The following MKRN1 variants were observed in gnomAD, a reference collection of about 807,000 sequenced individuals.
The protein encoded by MKRN1 is makorin ring finger protein 1, also known as E3 ubiquitin-protein ligase makorin-1.
A neutral mutation model predicts 55.5 loss-of-function variants in MKRN1; 9 were observed. The ratio of observed to expected loss-of-function variants is 0.16; its 90% CI spans 0.10 to 0.28. MKRN1 has a LOEUF of 0.28. Ranked by LOEUF, MKRN1 falls within the 10% of genes least tolerant of loss-of-function variation. The pLI is 1.00. For synonymous variants in MKRN1, 253 were observed against 235.9 expected (o/e 1.07, Z -0.66); for missense variants, 488 against 626.7 (o/e 0.78, Z 2.36).
intron 2 of MKRN1, among the ~76,000 whole-genome samples, chr7:140,467,296 A>G (rs567019574): frequency 6.6e-6 from 1 of 151,066 alleles, no homozygotes; most frequent in African/African-American, 2.4e-5. Flanking sequence ...ACTTTCTTTT[A>G]AGACGAAGTC....
intron 2 of MKRN1, 40 bp from the exon 3 acceptor site, chr7:140,459,976 G>A (rs745592796): frequency 1.9e-6 from 3 of 1,552,774 alleles, no homozygotes; most frequent in East Asian, 4.5e-5. Context: ...GCCAGTCGTG[G>A]TGGCTCAAGC....
At position 140,454,625 on chromosome 7, in the gene MKRN1, C is replaced by T. The variant is rs1382118469; in HGVS notation, c.1341G>A (p.Met447Ile). The change falls in exon 8 of 8, where the codon ATG (methionine) becomes ATA (isoleucine). Residue 447 changes from methionine (M) to isoleucine (I), a missense_variant. Coordinates refer to ENST00000255977, the MANE Select transcript of MKRN1 (RefSeq NM_013446.4). The stretch of plus-strand genomic sequence containing the variant: ...CACCTGCAGCCAAAAGCATAAGCAA[C>T]ATCTCGCCCAGCTCAAAGGTGACAA... The part of the protein sequence containing the change: ...EEVVTFELGE[M>I]LLMLLAAGGD... The T allele has an allele frequency of 3.1e-6, 5 of 1,613,872 alleles. No individual in the cohort carries two copies. The highest frequency in any genetic ancestry group is 4.2e-6 in the Non-Finnish European group (5 of 1,179,890).
chr7:140,470,732 A>T (rs978726616), intron 2 of MKRN1, among the ~76,000 whole-genome samples: 3 of 152,174 alleles, frequency 2.0e-5, no homozygotes, highest in Non-Finnish European at 4.4e-5. Context: ...CCTGGCCAAC[A>T]TGATGAAACC....
chr7:140,463,378 A>G (rs1340008661), intron 2 of MKRN1, among the ~76,000 whole-genome samples: 1 of 152,226 alleles, frequency 6.6e-6, no homozygotes, highest in Non-Finnish European at 1.5e-5. Flanking sequence ...TCTATACAGT[A>G]CAGCCAACCA....
intron 2 of MKRN1, among the ~76,000 whole-genome samples, chr7:140,462,081 G>A (rs1017277209): frequency 2.6e-5 from 4 of 152,204 alleles, no homozygotes; most frequent in Admixed American, 2.0e-4. Flanking sequence ...AGGCTGGAGT[G>A]CAGTAGCGTG....
At chr7:140,466,177 T>C (rs1794760011) in intron 2 of MKRN1, among the ~76,000 whole-genome samples, 1 of 152,222 alleles carries the variant, frequency 6.6e-6, no homozygotes, top group Non-Finnish European at 1.5e-5. Flanking sequence ...ATTCTTTCTT[T>C]AGCTAGTCCA....
intron 2 of MKRN1, among the ~76,000 whole-genome samples, chr7:140,462,800 T>G (rs970278215): frequency 1.3e-5 from 2 of 151,248 alleles, no homozygotes; most frequent in Non-Finnish European, 2.9e-5. Flanking sequence ...CCGTCTCTAC[T>G]AAAAAATACA....
chr7:140,462,475 A>G (rs1794651307), intron 2 of MKRN1, among the ~76,000 whole-genome samples: 2 of 152,222 alleles, frequency 1.3e-5, no homozygotes, highest in Admixed American at 1.3e-4. Flanking sequence ...ATACGCAAAA[A>G]TAAAGTAAAA....
intron 1 of MKRN1, among the ~76,000 whole-genome samples, chr7:140,476,207 G>C (rs1456649392): frequency 1.3e-5 from 2 of 152,100 alleles, no homozygotes; most frequent in Non-Finnish European, 2.9e-5. Flanking sequence ...CAAACATATT[G>C]AAAATGTTTA....
chr7:140,459,376 AGAAAG>A, intron 3 of MKRN1, 143 bp from the exon 4 acceptor site: 2 of 883,796 alleles, frequency 2.3e-6, no homozygotes, highest in Non-Finnish European at 1.7e-6. Flanking sequence ...TTCACTTGAA[AGAAAG>A]GAATTTTTTC....
At chr7:140,475,236 G>GTGCCT in intron 1 of MKRN1, 1 of 439,586 alleles carries the variant, frequency 2.3e-6, no homozygotes, top group South Asian at 1.6e-5. Context: ...CCAGCTTCTC[G>GTGCCT]GAAGGCTGAG....
At chr7:140,463,957 GAC>G (rs1416331394) in intron 2 of MKRN1, among the ~76,000 whole-genome samples, 1 of 151,832 alleles carries the variant, frequency 6.6e-6, no homozygotes, top group Non-Finnish European at 1.5e-5. Context: ...TGTTTTTTGA[GAC>G]AGTCTCACTC....
At position 140,454,632 on chromosome 7, in the gene MKRN1, C is replaced by T. The variant is rs145362229; in HGVS notation, c.1334G>A (p.Gly445Asp). ...AGCCAAAAGCATAAGCAACATCTCG[C>T]CCAGCTCAAAGGTGACAACCTCTTC... ...DEEEVVTFEL[G>D]EMLLMLLAAG... Residue 445 changes from glycine (G) to aspartate (D), a missense_variant, in exon 8 of 8, where the codon GGC becomes GAC. Gly to Asp is a moderately conservative substitution (Grantham distance 94, BLOSUM62 -1). Around this residue, in one of 2 missense-constraint regions of MKRN1, gnomAD observed 278 missense variants for 406.7 expected, o/e 0.68. Coordinates refer to ENST00000255977, the MANE Select transcript of MKRN1 (RefSeq NM_013446.4). 1.2e-5 allele frequency: 19 copies of T among 1,613,894 alleles called. No homozygotes were observed. The African/African-American group carries it at 2.4e-4, about 20-fold the overall frequency.
chr7:140,454,456 C>G lies in MKRN1; in HGVS notation c.*61G>C. Reference sequence around the variant, plus strand: ...GGAGAGAACACAGGCACTGCCACACCACCACAGGGGACAGCTGCTGTCTGA... The same window carrying G: ...GGAGAGAACACAGGCACTGCCACACGACCACAGGGGACAGCTGCTGTCTGA... On this transcript the variant is annotated 3_prime_UTR_variant, in exon 8 of 8. Transcript: ENST00000255977. The G allele has an allele frequency of 6.6e-7, 1 of 1,510,260 alleles. No homozygotes were observed. The highest frequency in any genetic ancestry group is 9.1e-7 in the Non-Finnish European group (1 of 1,101,120). The allele number at this position is 1,510,260 out of a possible 1,614,324, so 93.6% of individuals were successfully genotyped here.
At chr7:140,460,897 T>C (rs1237635027) in intron 2 of MKRN1, among the ~76,000 whole-genome samples, 1 of 152,232 alleles carries the variant, frequency 6.6e-6, no homozygotes, top group East Asian at 1.9e-4. Flanking sequence ...TTTAAAGGAA[T>C]GTGTAACTGT....
intron 5 of MKRN1, chr7:140,456,111 T>TTA: frequency 4.7e-6 from 5 of 1,068,906 alleles, no homozygotes; most frequent in Non-Finnish European, 6.0e-6. Context: ...GGCTAGCCAG[T>TTA]TCTTTTTTTT....
intron 1 of MKRN1, among the ~76,000 whole-genome samples, chr7:140,475,907 T>C (rs368633258): frequency 1.7e-4 from 26 of 152,216 alleles, no homozygotes; most frequent in African/African-American, 6.3e-4. Flanking sequence ...TGTTTCTTAG[T>C]ATTGCTCTAA....
At chr7:140,474,782 A>C (rs1795072021) in intron 1 of MKRN1, among the ~76,000 whole-genome samples, 1 of 150,494 alleles carries the variant, frequency 6.6e-6, no homozygotes, top group African/African-American at 2.4e-5. Context: ...GCAGTGGTGC[A>C]ATCTTGGCTC....
intron 1 of MKRN1, chr7:140,478,907 G>C: frequency 2.9e-6 from 1 of 340,810 alleles, no homozygotes; most frequent in Non-Finnish European, 5.1e-6. Context: ...CAGCCCCGCG[G>C]CTCCGCAGTA....
Sources: gnomAD v4.1 joint callset for allele counts (sites outside exome capture counted in the v4.1 genomes callset) on GRCh38, gnomAD v4.1.1 for gene constraint, gnomAD v4.1.1 regional missense constraint, MANE v1.5 for transcripts, NCBI Gene and HGNC (gene_info 2026-07-23, HGNC 2026-07-21) for gene names.